Variants in NLK observed in about 807,000 individuals in gnomAD.
NLK encodes the protein nemo like kinase.
In NLK, 11 loss-of-function variants were observed where a neutral mutation model predicts 59.0. The observed-to-expected ratio is 0.19, with a 90% CI of 0.12 to 0.31. The LOEUF is 0.31. Ranked by LOEUF, NLK falls within the 10% of genes least tolerant of loss-of-function variation. The pLI, the probability that NLK is intolerant of heterozygous loss-of-function variation, is 1.00. For synonymous variants in NLK, 235 were observed against 235.9 expected (o/e 1.00, Z 0.03); for missense variants, 410 against 661.1 (o/e 0.62, Z 4.16).
intron 1 of NLK, among the ~76,000 whole-genome samples, chr17:28,066,330 A>G (rs1909822493): frequency 6.6e-6 from 1 of 152,190 alleles, no homozygotes; most frequent in African/African-American, 2.4e-5. Context: ...CTGTGCAGTC[A>G]TTTCTACATA....
At chr17:28,122,154 C>T (rs557201186) in intron 1 of NLK, among the ~76,000 whole-genome samples, 2 of 152,282 alleles carry the variant, frequency 1.3e-5, no homozygotes, top group East Asian at 3.9e-4. Flanking sequence ...CATAAGAAAT[C>T]TAAATATTTA....
intron 1 of NLK, among the ~76,000 whole-genome samples, chr17:28,106,051 T>G (rs1332676488): frequency 6.6e-6 from 1 of 152,256 alleles, no homozygotes; most frequent in African/African-American, 2.4e-5. Context: ...TTTCCAAGTA[T>G]GTTTCCCAAA....
At chr17:28,151,679 T>G (rs1174911114) in intron 3 of NLK, among the ~76,000 whole-genome samples, 2 of 152,180 alleles carry the variant, frequency 1.3e-5, no homozygotes, top group Non-Finnish European at 2.9e-5. Context: ...TCCAGTTAAT[T>G]AAAGTTAATT....
At chr17:28,090,187 A>T (rs1904437258) in intron 1 of NLK, among the ~76,000 whole-genome samples, 1 of 152,210 alleles carries the variant, frequency 6.6e-6, no homozygotes, top group South Asian at 2.1e-4. Flanking sequence ...GTATACCTTC[A>T]ATTGGTATTA....
intron 1 of NLK, among the ~76,000 whole-genome samples, chr17:28,102,648 CAA>C (rs74716454): frequency 2.4e-4 from 17 of 69,498 alleles, no homozygotes; most frequent in Admixed American, 4.9e-4. Flanking sequence ...GACTCCATCT[CAA>C]AAAAAAAAAA....
chr17:28,133,599 C>T (rs1471067217), intron 3 of NLK, among the ~76,000 whole-genome samples: 1 of 152,120 alleles, frequency 6.6e-6, no homozygotes, highest in Non-Finnish European at 1.5e-5. Flanking sequence ...CATAAGTTAA[C>T]CTCCCTGACA....
chr17:28,089,646 T>A (rs1904410985), intron 1 of NLK, among the ~76,000 whole-genome samples: 2 of 152,158 alleles, frequency 1.3e-5, no homozygotes, highest in East Asian at 1.9e-4. Context: ...TAAGTTAAAT[T>A]GTTTTCCCAA....
At chr17:28,198,467 G>A (rs1909540776), downstream of NLK, among the ~76,000 whole-genome samples, 1 of 152,158 alleles carries the variant, frequency 6.6e-6, no homozygotes, top group African/African-American at 2.4e-5. Context: ...GGGATTACAG[G>A]CACATGCCAC....
At chr17:28,090,119 G>A (rs1402245977) in intron 1 of NLK, among the ~76,000 whole-genome samples, 2 of 152,110 alleles carry the variant, frequency 1.3e-5, no homozygotes, top group Non-Finnish European at 2.9e-5. Context: ...GTAACTGTTT[G>A]CTATATTATT....
At chr17:28,060,796 A>C (rs945669302) in intron 1 of NLK, among the ~76,000 whole-genome samples, 1 of 152,232 alleles carries the variant, frequency 6.6e-6, no homozygotes, top group Non-Finnish European at 1.5e-5. Context: ...CACACACTCA[A>C]ATTTTTTATG....
intron 1 of NLK, among the ~76,000 whole-genome samples, chr17:28,076,132 T>C (rs1301171260): frequency 6.6e-6 from 1 of 152,198 alleles, no homozygotes; most frequent in Non-Finnish European, 1.5e-5. Context: ...TCTTTCAAGT[T>C]ACTTCTAATT....
chr17:28,137,133 C>T (rs1906787533), intron 3 of NLK, among the ~76,000 whole-genome samples: 1 of 152,164 alleles, frequency 6.6e-6, no homozygotes, highest in Non-Finnish European at 1.5e-5. Flanking sequence ...ATATGGCGCA[C>T]ACATTACAAA....
chr17:28,120,129 G>GA (rs915426354), intron 1 of NLK, among the ~76,000 whole-genome samples: 1 of 151,868 alleles, frequency 6.6e-6, no homozygotes, highest in African/African-American at 2.4e-5. Context: ...TATTTAAACA[G>GA]AAAAAAAGTA....
chr17:28,050,232 A>G (rs536933204), intron 1 of NLK, among the ~76,000 whole-genome samples: 21 of 152,248 alleles, frequency 1.4e-4, no homozygotes, highest in Non-Finnish European at 2.9e-4. Flanking sequence ...TAATTCTTCA[A>G]TGAGTTTTAA....
chr17:28,103,888 CTA>C (rs1470204938), intron 1 of NLK, among the ~76,000 whole-genome samples: 10 of 152,182 alleles, frequency 6.6e-5, no homozygotes, highest in African/African-American at 1.7e-4. Context: ...TACACTCACT[CTA>C]TTTCTGTTGT....
At chr17:28,111,886 GTGTGTGTGTGGTGTGTGT>G (rs1487785482) in intron 1 of NLK, among the ~76,000 whole-genome samples, 125 of 127,586 alleles carry the variant, frequency 9.8e-4, no homozygotes, top group African/African-American at 3.6e-3. Context: ...GTGTGTGTGT[GTGTGTGTGTGGTGTGTGT>G]GTGTGTGTGT....
chr17:28,079,667 A>G (rs975852875), intron 1 of NLK, among the ~76,000 whole-genome samples: 4 of 152,048 alleles, frequency 2.6e-5, no homozygotes, highest in African/African-American at 9.7e-5. Flanking sequence ...TCTTTTGCCC[A>G]TTTTTAAAAT....
At chr17:28,197,467 T>C (rs1055521617), downstream of NLK, among the ~76,000 whole-genome samples, 208 of 132,230 alleles carry the variant, frequency 1.6e-3, no homozygotes, top group African/African-American at 6.1e-3. Flanking sequence ...AGATTCTGTC[T>C]CAAAAAAAAA....
intron 1 of NLK, among the ~76,000 whole-genome samples, chr17:28,101,629 A>G (rs1904905109): frequency 6.6e-6 from 1 of 152,064 alleles, no homozygotes; most frequent in Non-Finnish European, 1.5e-5. Context: ...TTGTAGATTG[A>G]CCTCATACCC....
Sources: allele counts gnomAD v4.1 joint callset (sites outside exome capture counted in the v4.1 genomes callset), GRCh38; gene constraint gnomAD v4.1.1; transcripts MANE v1.5; gene names NCBI Gene and HGNC (gene_info 2026-07-23, HGNC 2026-07-21).